Variants in DGKB observed in about 807,000 individuals in gnomAD.
DGKB encodes the protein diacylglycerol kinase beta.
Under a neutral mutation model 114.3 loss-of-function variants are expected in DGKB, and 67 were observed. The observed-to-expected ratio is 0.59, with a 90% CI of 0.48 to 0.72. The LOEUF is 0.72. DGKB is among the 30% of genes least tolerant of loss of function. The pLI is 0.00. For synonymous variants in DGKB, 398 were observed against 323.1 expected (o/e 1.23, Z -2.49); for missense variants, 907 against 975.2 (o/e 0.93, Z 0.93).
At chr7:14,356,231 C>T (rs990576250) in intron 21 of DGKB, among the ~76,000 whole-genome samples, 7 of 151,788 alleles carry the variant, frequency 4.6e-5, no homozygotes, top group African/African-American at 1.5e-4. Flanking sequence ...AATCCAGTTC[C>T]TGGATTCATT....
chr7:14,335,760 G>GT (rs961648736), intron 23 of DGKB, among the ~76,000 whole-genome samples: 30 of 151,180 alleles, frequency 2.0e-4, no homozygotes, highest in East Asian at 9.7e-4. Flanking sequence ...GTTTTGTTTT[G>GT]TTTTTTTTAA....
intron 21 of DGKB, among the ~76,000 whole-genome samples, chr7:14,396,970 AC>A (rs1466795572): frequency 4.6e-5 from 7 of 152,138 alleles, no homozygotes; most frequent in Non-Finnish European, 7.4e-5. Context: ...GGTTTTTATT[AC>A]AAAAATTATG....
intron 23 of DGKB, among the ~76,000 whole-genome samples, chr7:14,212,607 T>C (rs1348297052): frequency 6.6e-6 from 1 of 152,130 alleles, no homozygotes; most frequent in African/African-American, 2.4e-5. Flanking sequence ...ACGGCTTCAA[T>C]TGCCATCATC....
chr7:14,384,258 T>C (rs1337103015), intron 21 of DGKB, among the ~76,000 whole-genome samples: 1 of 152,230 alleles, frequency 6.6e-6, no homozygotes, highest in Non-Finnish European at 1.5e-5. Flanking sequence ...TTAGCATTTT[T>C]AAAATTCTGG....
chr7:14,176,794 A>T (rs754905114), intron 25 of DGKB, 45 bp downstream of exon 25: 1 of 1,580,816 alleles, frequency 6.3e-7, no homozygotes, highest in Non-Finnish European at 8.6e-7. Flanking sequence ...CAAAGAGGAA[A>T]GCAAAACTGA....
At chr7:14,567,548 A>G (rs1272849829) in intron 20 of DGKB, among the ~76,000 whole-genome samples, 1 of 99,420 alleles carries the variant, frequency 1.0e-5, no homozygotes, top group Non-Finnish European at 1.9e-5. Flanking sequence ...AATTATATAT[A>G]ATTATATATT....
intron 23 of DGKB, among the ~76,000 whole-genome samples, chr7:14,251,779 T>C (rs1795280256): frequency 6.6e-6 from 1 of 152,142 alleles, no homozygotes; most frequent in Non-Finnish European, 1.5e-5. Flanking sequence ...TTCTAGTTGG[T>C]CTGCTTTCTT....
intron 21 of DGKB, among the ~76,000 whole-genome samples, chr7:14,380,104 T>A (rs141680175): frequency 6.6e-6 from 1 of 152,172 alleles, no homozygotes; most frequent in Admixed American, 6.5e-5. Context: ...CCAATACATG[T>A]TGCGTACTTC....
chr7:14,552,545 T>C (rs1043814449), intron 20 of DGKB, among the ~76,000 whole-genome samples: 2 of 152,208 alleles, frequency 1.3e-5, no homozygotes, highest in Non-Finnish European at 2.9e-5. Flanking sequence ...CCCTGTCTCA[T>C]GATACTCTCC....
chr7:14,590,697 G>T (rs75486001), intron 17 of DGKB, among the ~76,000 whole-genome samples: 1 of 151,984 alleles, frequency 6.6e-6, no homozygotes, highest in Non-Finnish European at 1.5e-5. Flanking sequence ...GATTTATTTA[G>T]TGATTCTGAC....
chr7:14,646,586 T>C (rs1209624503), intron 13 of DGKB, among the ~76,000 whole-genome samples: 1 of 152,140 alleles, frequency 6.6e-6, no homozygotes, highest in Non-Finnish European at 1.5e-5. Flanking sequence ...AGACTGTATC[T>C]TAGGCCTCAA....
intron 1 of DGKB, among the ~76,000 whole-genome samples, chr7:14,845,296 C>T (rs758192529): frequency 1.3e-5 from 2 of 152,114 alleles, no homozygotes; most frequent in Admixed American, 6.5e-5. Flanking sequence ...CACACTCATA[C>T]AGACCATCCC....
chr7:14,577,230 T>C (rs1018202728), intron 19 of DGKB, among the ~76,000 whole-genome samples: 5 of 152,176 alleles, frequency 3.3e-5, no homozygotes, highest in African/African-American at 1.2e-4. Context: ...ATTTTATATT[T>C]AATGATATTA....
At chr7:14,295,950 T>C (rs190143397) in intron 23 of DGKB, among the ~76,000 whole-genome samples, 34 of 152,176 alleles carry the variant, frequency 2.2e-4, no homozygotes, top group Non-Finnish European at 4.3e-4. Flanking sequence ...AGTGAGAACA[T>C]GCAGTGTTTG....
At chr7:14,689,752 C>G (rs1159326306) in intron 9 of DGKB, among the ~76,000 whole-genome samples, 4 of 152,148 alleles carry the variant, frequency 2.6e-5, no homozygotes, top group Non-Finnish European at 5.9e-5. Context: ...GACAGCAGAA[C>G]AAAAACTCTT....
At chr7:14,314,727 A>G (rs1806137830) in intron 23 of DGKB, among the ~76,000 whole-genome samples, 1 of 151,862 alleles carries the variant, frequency 6.6e-6, no homozygotes, top group South Asian at 2.1e-4. Flanking sequence ...TATCCAGGAG[A>G]ATTTCCCCAA....
Position 14,850,772 on chromosome 7 carries a change from C to G in DGKB, c.-187-9322G>C, listed in dbSNP as rs77988431. ...CCAATTGCATATTACTATTCATTAA[C>G]TTAGAGCTACAACAATCAGCTTCCT... On this transcript the variant is annotated intron_variant, in intron 1 of 25. Coordinates refer to ENST00000402815, the MANE Select transcript of DGKB (RefSeq NM_001350709.2). 3.9e-5 allele frequency among the ~76,000 whole-genome samples: 6 copies of G among 152,270 alleles called. No homozygotes were observed. In the East Asian group the frequency reaches 1.2e-3, roughly 29 times the overall value.
At chr7:14,924,699 T>C (rs892502735) in intron 1 of DGKB, among the ~76,000 whole-genome samples, 1 of 152,158 alleles carries the variant, frequency 6.6e-6, no homozygotes, top group South Asian at 2.1e-4. Flanking sequence ...ATAGTAATCA[T>C]TGAATTTTGT....
intron 14 of DGKB, among the ~76,000 whole-genome samples, chr7:14,621,845 G>C (rs1807715829): frequency 6.6e-6 from 1 of 152,068 alleles, no homozygotes; most frequent in African/African-American, 2.4e-5. Context: ...TTTAAAGAAT[G>C]TGGTATTGAG....
Sources: gnomAD v4.1 joint callset for allele counts (sites outside exome capture counted in the v4.1 genomes callset) on GRCh38, gnomAD v4.1.1 for gene constraint, MANE v1.5 for transcripts, NCBI Gene and HGNC (gene_info 2026-07-23, HGNC 2026-07-21) for gene names.